Variants in UFL1 observed in about 807,000 individuals in gnomAD.
UFL1 encodes the protein UFM1 specific ligase 1, also known as E3 UFM1-protein ligase 1.
UFL1 carries 78 observed loss-of-function variants against 99.3 expected under a neutral mutation model. The ratio of observed to expected loss-of-function variants is 0.79; its 90% confidence interval spans 0.65 to 0.95. The LOEUF (loss-of-function observed/expected upper bound fraction) is 0.95. Ranked by LOEUF, UFL1 falls within the 40% of genes least tolerant of loss-of-function variation. The pLI, the probability that UFL1 is intolerant of heterozygous loss-of-function variation, is 0.00. For synonymous variants in UFL1, 335 were observed against 322.2 expected, an observed-to-expected ratio of 1.04 and a Z score of -0.42; for missense variants, 936 against 937.0, an observed-to-expected ratio of 1.00 and a Z score of 0.01.
At chr6:96,542,084 G>A (rs571781698) in intron 11 of UFL1, among the ~76,000 whole-genome samples, 121 of 151,228 alleles carry the variant, frequency 8.0e-4, no homozygotes, top group Non-Finnish European at 1.5e-3. Context: ...TAATATAGTT[G>A]TAATATGTTC....
In UFL1 at chr6:96,552,477, T is replaced by C. The variant is rs1562257965; in HGVS notation, c.1986-5T>C. The C allele has an allele frequency of 9.7e-6, 15 of 1,539,912 alleles. No individual in the cohort carries two copies. Among genetic ancestry groups the C allele is most frequent in the Non-Finnish European group, 1.3e-5 (15 of 1,154,894 alleles). ...ATGAATTTGTGTGCTTTTTTTTTTT[T>C]TTAGACAGATACTGTTCCAACATCG... On this transcript the variant is annotated splice_polypyrimidine_tract_variant and splice_region_variant and intron_variant, in intron 17 of 18. Coordinates refer to ENST00000369278, the MANE Select transcript of UFL1 (RefSeq NM_015323.5).
At position 96,536,321 on chromosome 6, in the gene UFL1, G is replaced by C. The variant is rs777344686; in HGVS notation, c.733G>C (p.Val245Leu). The C allele has an allele frequency of 1.3e-5, 21 of 1,611,464 alleles. No homozygotes were observed. Among genetic ancestry groups the C allele is most frequent in the Non-Finnish European group, 1.8e-5 (21 of 1,178,284 alleles). Residue 245 changes from valine (V) to leucine (L), a missense_variant, in exon 8 of 19, where the codon GTC becomes CTC. Coordinates refer to ENST00000369278, the MANE Select transcript of UFL1 (RefSeq NM_015323.5). Reference sequence around the variant, plus strand: ...TGGGAGACAGGATAAAGCTGTGTTTGTCCCTGACATCTACTCCAGGACACA... The same window carrying C: ...TGGGAGACAGGATAAAGCTGTGTTTCTCCCTGACATCTACTCCAGGACACA... Reference protein sequence around the residue: ...VGGRQDKAVFVPDIYSRTQST... With the variant: ...VGGRQDKAVFLPDIYSRTQST...
rs556592105 is a variant in UFL1 at position 96,533,925 on chromosome 6, A to G, written c.597-338A>G. Among the ~76,000 whole-genome samples, 11 of 151,980 alleles carry G rather than the reference A, an allele frequency of 7.2e-5. No individual in the cohort carries two copies. The South Asian group carries it at 2.3e-3, about 32-fold the overall frequency. On this transcript the variant is annotated intron_variant, in intron 6 of 18. Coordinates refer to ENST00000369278, the MANE Select transcript of UFL1 (RefSeq NM_015323.5). ...TTCTTCAAAAATGGAATCATATGACATCCACTTGAATATTCCCAAGTAAGG... is the reference window on the plus strand; with the variant it reads ...TTCTTCAAAAATGGAATCATATGACGTCCACTTGAATATTCCCAAGTAAGG...
At chr6:96,541,724 T>G (rs1427226583) in intron 11 of UFL1, among the ~76,000 whole-genome samples, 1 of 151,276 alleles carries the variant, frequency 6.6e-6, no homozygotes, top group Non-Finnish European at 1.5e-5. Flanking sequence ...GTATAACTAG[T>G]CTATTTAATA....
rs1029489096 is a variant in UFL1, at chr6:96,551,932, A to C, written c.1985+9A>C. ...GACAAAAAAAGGGAAAGGTAACATT[A>C]AATTAATCTATATTTGGAAATGTTC... On this transcript the variant is annotated intron_variant, in intron 17 of 18. Transcript: ENST00000369278. The C allele has an allele frequency of 1.9e-6, 3 of 1,564,650 alleles. No individual in the cohort carries two copies. The highest frequency in any genetic ancestry group is 2.6e-6 in the Non-Finnish European group (3 of 1,141,720).
At chr6:96,542,610 C>T (rs1194827734) in intron 11 of UFL1, among the ~76,000 whole-genome samples, 3 of 150,920 alleles carry the variant, frequency 2.0e-5, no homozygotes, top group Non-Finnish European at 4.5e-5. Context: ...TTGAGAGTTA[C>T]AGGAAAGAGG....
chr6:96,528,456 A>G (rs1200971872), intron 5 of UFL1, 46 bp from the exon 6 acceptor site: 1 of 1,594,960 alleles, frequency 6.3e-7, no homozygotes, highest in African/African-American at 1.4e-5. Context: ...GCATATGTGT[A>G]ATTCTTTTCT....
At position 96,521,842 on chromosome 6, in the gene UFL1, G is replaced by C. The variant is rs41292432; in HGVS notation, c.-32G>C. On this transcript the variant is annotated 5_prime_UTR_variant, in exon 1 of 19. Coordinates refer to ENST00000369278, the MANE Select transcript of UFL1 (RefSeq NM_015323.5). ...CCGCCTGTCGGCTGACGTGTCTGCAGTTCCTCCGCGTCTACTGCGAGTCAG... is the reference window on the plus strand; with the variant it reads ...CCGCCTGTCGGCTGACGTGTCTGCACTTCCTCCGCGTCTACTGCGAGTCAG... 0.017 allele frequency: 26,567 copies of C among 1,601,264 alleles called. 268 individuals are homozygous for C. Among genetic ancestry groups the C allele is most frequent in the South Asian group, 0.022 (1,923 of 88,568 alleles).
chr6:96,550,370 GTTC>G (rs775926705), intron 15 of UFL1, among the ~76,000 whole-genome samples: 1 of 151,420 alleles, frequency 6.6e-6, no homozygotes, highest in African/African-American at 2.4e-5. Context: ...CCTCTTTCCT[GTTC>G]TTCTTCCTTC....
At chr6:96,528,385 C>A in intron 5 of UFL1, 117 bp from the exon 6 acceptor site, 1 of 1,245,312 alleles carries the variant, frequency 8.0e-7, no homozygotes, top group Non-Finnish European at 1.1e-6. Flanking sequence ...CTTGTTGAAA[C>A]TTCTCAATCA....
chr6:96,534,815 GT>G (rs898388841), intron 7 of UFL1, among the ~76,000 whole-genome samples: 3 of 150,982 alleles, frequency 2.0e-5, no homozygotes, highest in Non-Finnish European at 4.4e-5. Context: ...GGTTTTGAGG[GT>G]TTTTTTTAAT....
At chr6:96,537,571 CT>C in intron 9 of UFL1, 22 bp downstream of exon 9, 1 of 1,545,432 alleles carries the variant, frequency 6.5e-7, no homozygotes, top group African/African-American at 1.4e-5. Flanking sequence ...CTTTTCCTCA[CT>C]TTTCTTTAAA....
chr6:96,547,807 T>C (rs555690355), intron 12 of UFL1, among the ~76,000 whole-genome samples: 2 of 150,134 alleles, frequency 1.3e-5, no homozygotes, highest in South Asian at 4.2e-4. Context: ...AGAAGGGAAG[T>C]TGGGGGGGGG....
intron 10 of UFL1, 69 bp from the exon 11 acceptor site, chr6:96,540,466 A>C: frequency 1.3e-6 from 2 of 1,534,244 alleles, no homozygotes; most frequent in Admixed American, 2.1e-5. Flanking sequence ...TAGTGAGTAT[A>C]TAAACAACTT....
At chr6:96,522,832 C>T (rs902332947) in intron 1 of UFL1, 4 of 190,682 alleles carry the variant, frequency 2.1e-5, no homozygotes, top group Non-Finnish European at 4.2e-5. Context: ...TTTTTTCCTA[C>T]CTAAATAAAT....
chr6:96,541,061 G>A (rs947173016), intron 11 of UFL1, among the ~76,000 whole-genome samples: 3 of 151,310 alleles, frequency 2.0e-5, no homozygotes, highest in Non-Finnish European at 4.4e-5. Flanking sequence ...AGTAACTGGT[G>A]TATTCTTTTC....
chr6:96,541,146 C>G (rs2475026), intron 11 of UFL1, among the ~76,000 whole-genome samples: 8,048 of 151,394 alleles, frequency 0.053, 643 homozygotes, highest in African/African-American at 0.17. Context: ...CACAGTCACT[C>G]TCTGCCACCT....
chr6:96,526,461 G>A (rs767203299), intron 5 of UFL1, 26 bp downstream of exon 5: 138 of 1,569,744 alleles, frequency 8.8e-5, no homozygotes, highest in Non-Finnish European at 1.1e-4. Flanking sequence ...ATAATACAAT[G>A]TGTCTTTTTA....
chr6:96,549,407 C>T lies in UFL1; in HGVS notation c.1521-5C>T. 8 of 1,590,106 alleles carry T rather than the reference C, an allele frequency of 5.0e-6. No homozygotes were observed. The highest frequency in any genetic ancestry group is 6.8e-6 in the Non-Finnish European group (8 of 1,172,558). ...ATAAACTAAATATATTTGTCTTATG[C>T]ACAGACCTCTTAATAAAACTTATCT... On this transcript the variant is annotated splice_polypyrimidine_tract_variant and splice_region_variant and intron_variant, in intron 13 of 18. Coordinates refer to ENST00000369278, the MANE Select transcript of UFL1 (RefSeq NM_015323.5).
Sources: allele counts gnomAD v4.1 joint callset (sites outside exome capture counted in the v4.1 genomes callset), GRCh38; gene constraint gnomAD v4.1.1; transcripts MANE v1.5; gene names NCBI Gene and HGNC (gene_info 2026-07-23, HGNC 2026-07-21).